NAA11: variants seen among roughly 807,000 people sequenced by gnomAD.
NAA11 encodes the protein N-alpha-acetyltransferase 11.
In NAA11, 15 loss-of-function variants were observed where a neutral mutation model predicts 16.1. The ratio of observed to expected loss-of-function variants is 0.93; its 90% confidence interval spans 0.62 to 1.44. The LOEUF (loss-of-function observed/expected upper bound fraction) is 1.44, where lower values mean the gene tolerates loss of function less well. Among genes scored for constraint, NAA11 ranks in the 40% most tolerant of loss-of-function variants. The pLI is 0.00. For missense variants in NAA11, 298 were observed against 291.3 expected, an observed-to-expected ratio of 1.02 and a Z score of -0.17; for synonymous variants, 122 against 112.4, an observed-to-expected ratio of 1.09 and a Z score of -0.54.
chr4:79,171,173 G>T, the NAA11 span, among the ~76,000 whole-genome samples: 2 of 152,170 alleles, frequency 1.3e-5, no homozygotes, highest in Non-Finnish European at 2.9e-5. Flanking sequence ...AGTGTTGAAA[G>T]CTTGGACTTT....
intron 2 of NAA11, among the ~76,000 whole-genome samples, chr4:79,279,457 C>T (rs1209455235): frequency 6.6e-6 from 1 of 152,054 alleles, no homozygotes; most frequent in Non-Finnish European, 1.5e-5. Context: ...CATCAGGCAA[C>T]ATAGCATAAA....
intron 2 of NAA11, among the ~76,000 whole-genome samples, chr4:79,293,288 ACT>A (rs1723129389): frequency 6.6e-6 from 1 of 152,088 alleles, no homozygotes; most frequent in Admixed American, 6.6e-5. Flanking sequence ...AAAGGGAAAG[ACT>A]CTGATCTTCC....
the NAA11 span, among the ~76,000 whole-genome samples, chr4:79,202,901 T>C: frequency 6.6e-6 from 1 of 151,072 alleles, no homozygotes; most frequent in Non-Finnish European, 1.5e-5. Context: ...TCTATTTAAG[T>C]ACTGTGAATT....
chr4:79,206,486 G>A, the NAA11 span, among the ~76,000 whole-genome samples: 1 of 152,110 alleles, frequency 6.6e-6, no homozygotes, highest in Non-Finnish European at 1.5e-5. Context: ...AGAAATCAAT[G>A]TACTTTATGT....
chr4:79,242,655 C>T (rs556458714), intron 2 of NAA11, among the ~76,000 whole-genome samples: 1 of 152,310 alleles, frequency 6.6e-6, no homozygotes, highest in East Asian at 1.9e-4. Context: ...TTTTCTGTCT[C>T]ATTCCATCTT....
intron 1 of NAA11, chr4:79,299,364 G>A (rs1015906627): frequency 1.3e-5 from 2 of 152,124 alleles, no homozygotes; most frequent in African/African-American, 4.8e-5. Flanking sequence ...AGACGGAGAA[G>A]TTTTATAACA....
chr4:79,192,295 G>A, the NAA11 span, among the ~76,000 whole-genome samples: 1 of 151,480 alleles, frequency 6.6e-6, no homozygotes, highest in Non-Finnish European at 1.5e-5. Context: ...TGTTACATAT[G>A]TATACATGTG....
the NAA11 span, among the ~76,000 whole-genome samples, chr4:79,204,956 C>CACACACACACACAT: frequency 6.6e-6 from 1 of 151,288 alleles, no homozygotes; most frequent in South Asian, 2.1e-4. Flanking sequence ...CACACACACA[C>CACACACACACACAT]ATTATTCCAT....
the NAA11 span, among the ~76,000 whole-genome samples, chr4:79,183,070 C>T: frequency 6.6e-6 from 1 of 152,066 alleles, no homozygotes; most frequent in African/African-American, 2.4e-5. Context: ...CATTTTCCCC[C>T]TCTGAACATA....
chr4:79,298,750 G>T (rs1364934388), intron 1 of NAA11, among the ~76,000 whole-genome samples: 1 of 152,236 alleles, frequency 6.6e-6, no homozygotes, highest in Non-Finnish European at 1.5e-5. Flanking sequence ...GCCGAGTGCA[G>T]CCTACTGGCC....
At chr4:79,181,287 T>A in the NAA11 span, among the ~76,000 whole-genome samples, 1 of 150,856 alleles carries the variant, frequency 6.6e-6, no homozygotes, top group Non-Finnish European at 1.5e-5. Context: ...AGTTTTCCCA[T>A]AGGCAAAGGC....
the NAA11 span, among the ~76,000 whole-genome samples, chr4:79,158,478 A>G: frequency 6.6e-6 from 1 of 152,118 alleles, no homozygotes; most frequent in Non-Finnish European, 1.5e-5. Context: ...AAACAAATTG[A>G]AACACATCCC....
At chr4:79,220,805 T>A (rs113372635), downstream of NAA11, among the ~76,000 whole-genome samples, 64 of 152,258 alleles carry the variant, frequency 4.2e-4, 1 homozygote, top group South Asian at 5.2e-3. Context: ...AGTCAGGTAG[T>A]GTGATGCCTC....
chr4:79,294,118 TTG>T (rs1428545657), intron 1 of NAA11: 1 of 152,168 alleles, frequency 6.6e-6, no homozygotes, highest in African/African-American at 2.4e-5. Flanking sequence ...TGGCATTCTG[TTG>T]TAATAGGACA....
intron 2 of NAA11, among the ~76,000 whole-genome samples, chr4:79,292,900 G>A (rs1723119381): frequency 6.6e-6 from 1 of 152,090 alleles, no homozygotes; most frequent in South Asian, 2.1e-4. Flanking sequence ...CCAAAGCCAG[G>A]ATTAACCTGT....
intron 1 of NAA11, among the ~76,000 whole-genome samples, chr4:79,311,318 GTAATAAAAAATACTT>G (rs1723763058): frequency 1.3e-5 from 2 of 152,106 alleles, no homozygotes; most frequent in South Asian, 4.1e-4. Context: ...ATTCAAGTCA[GTAATAAAAAATACTT>G]TTTTTCTTGA....
At chr4:79,256,651 A>ATATATAAATATATATATAT (rs1722113513) in intron 2 of NAA11, among the ~76,000 whole-genome samples, 3 of 130,760 alleles carry the variant, frequency 2.3e-5, no homozygotes, top group African/African-American at 9.2e-5. Context: ...TATAAATATA[A>ATATATAAATATATATATAT]ATATATATAT....
chr4:79,256,363 G>A (rs556370030), intron 2 of NAA11, among the ~76,000 whole-genome samples: 4 of 151,964 alleles, frequency 2.6e-5, no homozygotes, highest in South Asian at 2.1e-4. Context: ...CAATGTTGCA[G>A]TTATAACTTT....
intron 2 of NAA11, among the ~76,000 whole-genome samples, chr4:79,249,575 T>G (rs928785357): frequency 6.6e-6 from 1 of 151,964 alleles, no homozygotes; most frequent in Admixed American, 6.6e-5. Context: ...GAAAAAGCAG[T>G]AAAGAAGAAT....
Sources: gnomAD v4.1 joint callset for allele counts (sites outside exome capture counted in the v4.1 genomes callset) on GRCh38, gnomAD v4.1.1 for gene constraint, MANE v1.5 for transcripts, NCBI Gene and HGNC (gene_info 2026-07-23, HGNC 2026-07-21) for gene names.